The following MYH13 variants were observed in gnomAD, a reference collection of about 807,000 sequenced individuals.
MYH13 encodes myosin heavy chain 13.
Under a neutral mutation model 232.1 loss-of-function variants are expected in MYH13, and 177 were observed. That is an observed-to-expected ratio of 0.76 (90% CI 0.67 to 0.86). The LOEUF (loss-of-function observed/expected upper bound fraction) is 0.86. MYH13 is among the 40% of genes least tolerant of loss of function. MYH13 has a pLI of 0.00. For missense variants in MYH13, 2,246 were observed against 2,405.9 expected (o/e 0.93, Z 1.39); for synonymous variants, 884 against 923.5 (o/e 0.96, Z 0.78).
chr17:10,354,738 C>A lies in MYH13; in HGVS notation c.947G>T (p.Ser316Ile). 1 of 1,613,962 alleles carries A rather than the reference C, an allele frequency of 6.2e-7. No individual in the cohort carries two copies. The highest frequency in any genetic ancestry group is 8.5e-7 in the Non-Finnish European group (1 of 1,179,888). Residue 316 changes from serine to isoleucine, a missense_variant, in exon 11 of 41, where the codon AGC (serine) becomes ATC (isoleucine). Physicochemically the swap from Ser to Ile is moderately radical, Grantham distance 142 (BLOSUM62 -2). Coordinates refer to ENST00000252172, the MANE Select transcript of MYH13 (RefSeq NM_003802.3). ...STNPFDFPFV[S>I]QGEVTVASID... The stretch of plus-strand genomic sequence containing the variant: ...ACTGGCTACCGTGACCTCTCCTTGG[C>A]TCACGAAGGGGAAGTCGAAGGGGTT...
rs61745307 is a variant in MYH13 at position 10,362,444 on chromosome 17, G to A, written c.264C>T (p.Ile88=). 1,559 of 1,614,138 alleles carry A rather than the reference G, an allele frequency of 9.7e-4. 8 individuals carry two copies. In the African/African-American group the frequency reaches 0.015, roughly 16 times the overall value. Residue 88 remains isoleucine, a synonymous_variant, in exon 4 of 41, where the codon ATC becomes ATT. Transcript: ENST00000252172. ...FPMNPPKFDK[I]EDMAMMTHLH... ...GGTGAGTCATCATGGCCATGTCCTC[G>A]ATCTTGTCAAATTTGGGAGGGTTCA...
At chr17:10,323,915 T>G in intron 23 of MYH13, 107 bp downstream of exon 23, 1 of 1,439,012 alleles carries the variant, frequency 6.9e-7, no homozygotes, top group Non-Finnish European at 9.3e-7. Flanking sequence ...CTCTCATTTC[T>G]GGGCAATGTT....
Position 10,313,244 on chromosome 17 carries a change from C to G in MYH13, c.4095G>C (p.Leu1365=), listed in dbSNP as rs1906580064. Residue 1365 remains leucine (L), a synonymous_variant, in exon 30 of 41, where the codon CTG becomes CTC. Coordinates refer to ENST00000252172, the MANE Select transcript of MYH13 (RefSeq NM_003802.3). ...GGGCAACCTCACTGTTGGCCTTGGA[C>G]AGCGCCCTCTGCAGCTCGGCCTTGG... ...QEAKAELQRA[L]SKANSEVAQW... The G allele has an allele frequency of 6.2e-7, 1 of 1,614,102 alleles. No homozygotes were observed. The highest frequency in any genetic ancestry group is 8.5e-7 in the Non-Finnish European group (1 of 1,180,044).
At chr17:10,361,533 A>G (rs1218338685) in intron 5 of MYH13, among the ~76,000 whole-genome samples, 1 of 152,126 alleles carries the variant, frequency 6.6e-6, no homozygotes, top group African/African-American at 2.4e-5. Context: ...ACCTCAGGTG[A>G]TCCACCTGCC....
In MYH13 at chr17:10,366,381, G is replaced by GTT. The variant is rs56798899; in HGVS notation, c.-12-1841_-12-1840dup. ...CATATCTCTCTTAAGAAATAAATCT[G>GTT]TTTTTTTTTTTTTTTTTGAGATGGA... On this transcript the variant is annotated intron_variant, in intron 2 of 40. Coordinates refer to ENST00000252172, the MANE Select transcript of MYH13 (RefSeq NM_003802.3). Among the ~76,000 whole-genome samples, 424 of 112,598 alleles carry GTT rather than the reference G, an allele frequency of 3.8e-3. 17 individuals are homozygous for GTT. Among genetic ancestry groups the GTT allele is most frequent in the East Asian group, 0.018 (75 of 4,190 alleles). 73.9% of individuals were successfully genotyped at this position (112,598 alleles called of 152,430 possible). A position where few individuals can be genotyped will look rare whatever the true frequency, so the allele number is the denominator to read the frequency against.
chr17:10,306,415 C>T lies in MYH13; in HGVS notation c.5466+44G>A, dbSNP rs778403927. 44 of 1,612,634 alleles carry T rather than the reference C, an allele frequency of 2.7e-5. 1 individual carries two copies. Among genetic ancestry groups the T allele is most frequent in the African/African-American group, 1.7e-4 (13 of 74,924 alleles). On this transcript the variant is annotated intron_variant, in intron 37 of 40. Coordinates refer to ENST00000252172, the MANE Select transcript of MYH13 (RefSeq NM_003802.3). The surrounding 1 kb of genome is among the most constrained non-coding windows in gnomAD (Gnocchi z 4.3). Reference sequence around the variant, plus strand: ...TCAGTTTCTGGACTGTGGTTCTGTCCGAGGCTGTCACTTTCAGAGTAACAG... The same window carrying T: ...TCAGTTTCTGGACTGTGGTTCTGTCTGAGGCTGTCACTTTCAGAGTAACAG...
At chr17:10,307,594 A>G (rs1906335885) in intron 35 of MYH13, among the ~76,000 whole-genome samples, 1 of 152,178 alleles carries the variant, frequency 6.6e-6, no homozygotes, top group African/African-American at 2.4e-5. Context: ...AAAATGTTCC[A>G]CCTCATTAGC....
intron 15 of MYH13, 27 bp downstream of exon 15, chr17:10,345,175 C>G (rs770082101): frequency 9.9e-6 from 16 of 1,613,896 alleles, no homozygotes; most frequent in Non-Finnish European, 1.4e-5. Context: ...TAAGGAGGAG[C>G]TGTCCCAGGC....
In MYH13 at chr17:10,309,301, C is replaced by A. The variant is rs374764673; in HGVS notation, c.5102G>T (p.Arg1701Leu). The change falls in exon 35 of 41, where the codon CGG becomes CTG. Residue 1701 changes from arginine (R) to leucine (L), a missense_variant. Physicochemically the swap from Arg to Leu is moderately radical, Grantham distance 102. Transcript: ENST00000252172. ...CTCCTGCTCTGACAGCCTGCGGGTC[C>A]GCTCCGTCTGTTCCAGGGCCACCTT... ...EMKVALEQTE[R>L]TRRLSEQELL... 1.2e-6 allele frequency: 2 copies of A among 1,613,854 alleles called. No individual in the cohort carries two copies. Among genetic ancestry groups the A allele is most frequent in the African/African-American group, 2.7e-5 (2 of 74,942 alleles).
At chr17:10,366,670 C>T (rs1217187168) in intron 2 of MYH13, among the ~76,000 whole-genome samples, 4 of 152,120 alleles carry the variant, frequency 2.6e-5, no homozygotes, top group Admixed American at 2.6e-4. Flanking sequence ...TGTAAGCCTC[C>T]ATGCCCCGCC....
intron 18 of MYH13, among the ~76,000 whole-genome samples, chr17:10,337,473 C>A (rs768868203): frequency 6.6e-6 from 1 of 152,156 alleles, no homozygotes; most frequent in Non-Finnish European, 1.5e-5. Flanking sequence ...AACTAGCAAG[C>A]CCCGTATGTG....
At chr17:10,326,555 C>G (rs1220976066) in intron 22 of MYH13, among the ~76,000 whole-genome samples, 1 of 151,834 alleles carries the variant, frequency 6.6e-6, no homozygotes, top group African/African-American at 2.4e-5. Flanking sequence ...ACTGCAACCT[C>G]CACCTCCTGG....
chr17:10,350,885 T>A, intron 11 of MYH13, 191 bp from the exon 12 acceptor site: 1 of 674,368 alleles, frequency 1.5e-6, no homozygotes, highest in Non-Finnish European at 2.6e-6. Flanking sequence ...GGGTGAAGAC[T>A]ATGGGAAAAA....
At chr17:10,343,088 C>CAA (rs71139039) in intron 16 of MYH13, among the ~76,000 whole-genome samples, 21 of 125,062 alleles carry the variant, frequency 1.7e-4, no homozygotes, top group African/African-American at 2.6e-4. Flanking sequence ...GACTCTGTCT[C>CAA]AAAAAAAAAA....
rs962970768 is a variant in MYH13, at chr17:10,300,909, C to G, written c.*42G>C. On this transcript the variant is annotated 3_prime_UTR_variant, in exon 41 of 41. Transcript: ENST00000252172. ...TTATTTCTCACACATTTTCCCTCCA[C>G]TCTCTCGGAGGTGTCCCATGGCAAC... 1.2e-6 allele frequency: 2 copies of G among 1,600,284 alleles called. No individual in the cohort carries two copies. The highest frequency in any genetic ancestry group is 1.8e-5 in the Admixed American group (1 of 57,058).
At chr17:10,311,842 G>C (rs1906517693) in intron 32 of MYH13, 69 bp downstream of exon 32, 1 of 1,574,908 alleles carries the variant, frequency 6.3e-7, no homozygotes, top group African/African-American at 1.3e-5. Context: ...GATGGCTGTG[G>C]CCAAATGGGG....
intron 13 of MYH13, 80 bp downstream of exon 13, chr17:10,346,600 C>A: frequency 9.1e-7 from 1 of 1,101,202 alleles, no homozygotes; most frequent in Non-Finnish European, 1.3e-6. Flanking sequence ...ATTTCTGATA[C>A]CTGCAACTGA....
chr17:10,363,792 A>G (rs1251465061), intron 3 of MYH13, among the ~76,000 whole-genome samples: 1 of 152,200 alleles, frequency 6.6e-6, no homozygotes, highest in Non-Finnish European at 1.5e-5. Context: ...TCTCTCTCAT[A>G]TGCCTGAGTT....
At chr17:10,331,451 A>T (rs1057426404) in intron 20 of MYH13, among the ~76,000 whole-genome samples, 3 of 152,162 alleles carry the variant, frequency 2.0e-5, no homozygotes, top group African/African-American at 7.2e-5. Flanking sequence ...CAAGAACCTG[A>T]TGAGTAAGTG....
Sources: allele counts gnomAD v4.1 joint callset (sites outside exome capture counted in the v4.1 genomes callset), GRCh38; gene constraint gnomAD v4.1.1; non-coding constraint Gnocchi (gnomAD v3.1); transcripts MANE v1.5; gene names NCBI Gene and HGNC (gene_info 2026-07-23, HGNC 2026-07-21).